Variants in SAXO1 observed in about 807,000 individuals in gnomAD.
SAXO1 encodes the protein stabilizer of axonemal microtubules 1, also known as 4930500O09Rik.
Under a neutral mutation model 17.5 loss-of-function variants are expected in SAXO1, and 21 were observed. The ratio of observed to expected loss-of-function variants is 1.20; its 90% CI spans 0.85 to 1.72. The LOEUF is 1.72. SAXO1 is among the 40% of genes most tolerant of loss of function. SAXO1 has a pLI of 0.00. For missense variants in SAXO1, 843 were observed against 596.0 expected, an observed-to-expected ratio of 1.41 and a Z score of -4.32; for synonymous variants, 274 against 216.5, an observed-to-expected ratio of 1.27 and a Z score of -2.33.
intron 1 of SAXO1, among the ~76,000 whole-genome samples, chr9:18,975,714 A>G (rs949810763): frequency 1.3e-5 from 2 of 152,206 alleles, no homozygotes; most frequent in Non-Finnish European, 2.9e-5. Flanking sequence ...ACAAAGTCAG[A>G]TTTGGTTCAA....
chr9:19,022,666 AACTT>A (rs1200662228), intron 1 of SAXO1, among the ~76,000 whole-genome samples: 1 of 152,188 alleles, frequency 6.6e-6, no homozygotes, highest in East Asian at 1.9e-4. Flanking sequence ...CACTGGGAGA[AACTT>A]AACTGATTTT....
At chr9:19,031,183 C>G (rs1835750289) in intron 1 of SAXO1, among the ~76,000 whole-genome samples, 1 of 152,234 alleles carries the variant, frequency 6.6e-6, no homozygotes, top group Non-Finnish European at 1.5e-5. Context: ...AGACTGCACG[C>G]TGTGCAAAGA....
At chr9:18,932,955 G>A (rs1183898960) in intron 3 of SAXO1, among the ~76,000 whole-genome samples, 10 of 152,166 alleles carry the variant, frequency 6.6e-5, no homozygotes. Flanking sequence ...ACAGGATCAT[G>A]TTGTCTGAGA....
rs920533586 is a variant in SAXO1, at chr9:19,033,034, G to A, written c.-126C>T. ...GTCTTGGCAGGTGTTCTGTTTACTC[G>A]AAGGAAAATTTAAGTGGCCCTTTTG... On this transcript the variant is annotated 5_prime_UTR_variant, in exon 1 of 4. Transcript: ENST00000380534. 8.8e-6 allele frequency: 9 copies of A among 1,021,002 alleles called. No individual in the cohort carries two copies. The South Asian group carries it at 1.2e-4, about 13-fold the overall frequency. 63.2% of individuals were successfully genotyped at this position (1,021,002 alleles called of 1,614,324 possible).
intron 2 of SAXO1, among the ~76,000 whole-genome samples, chr9:18,949,652 T>A (rs1831945846): frequency 6.8e-6 from 1 of 146,228 alleles, no homozygotes. Flanking sequence ...ATGGCAGCAT[T>A]GTGTAGAGAA....
chr9:18,948,088 A>G (rs4977476), intron 2 of SAXO1, among the ~76,000 whole-genome samples: 109,157 of 152,108 alleles, frequency 0.72, 39,228 homozygotes, highest in Middle Eastern at 0.77. Context: ...GACAATCTGC[A>G]CAGACACAAG....
intron 1 of SAXO1, among the ~76,000 whole-genome samples, chr9:18,995,816 T>C (rs1000980367): frequency 2.6e-5 from 4 of 152,164 alleles, no homozygotes; most frequent in African/African-American, 9.7e-5. Flanking sequence ...GTGGTGGCTT[T>C]TGCCTGTAAT....
At chr9:18,979,980 T>C (rs1271949480) in intron 1 of SAXO1, among the ~76,000 whole-genome samples, 1 of 152,192 alleles carries the variant, frequency 6.6e-6, no homozygotes, top group East Asian at 1.9e-4. Context: ...TGACAGACTG[T>C]ACTGGGCAAG....
chr9:18,928,295 A>G lies in SAXO1; in HGVS notation c.1182T>C (p.Ser394=), dbSNP rs777261833. ...CCACAGGGACATTTCCTCGAGGGCC[A>G]GACCAATGAGGCTTACAGCTTTTGG... is the stretch of plus-strand genomic sequence containing the variant. ...INTKSCKPHW[S]GPRGNVPVES... is the part of the protein sequence containing the mutation. The change falls in exon 4 of 4, where the codon TCT becomes TCC. Residue 394 remains serine, a synonymous_variant. Transcript: ENST00000380534. 2.5e-5 allele frequency: 41 copies of G among 1,612,970 alleles called. No homozygotes were observed. Among genetic ancestry groups the G allele is most frequent in the Non-Finnish European group, 3.5e-5 (41 of 1,179,252 alleles).
chr9:18,941,804 T>G lies in SAXO1; in HGVS notation c.254A>C (p.Lys85Thr). Residue 85 changes from lysine to threonine, a missense_variant, in exon 3 of 4, where the codon AAG (lysine) becomes ACG (threonine). Physicochemically the swap from Lys to Thr is moderately conservative, Grantham distance 78. Coordinates refer to ENST00000380534, the MANE Select transcript of SAXO1 (RefSeq NM_153707.4). ...GACGAACTGGTCATACTGGTGGACCTTCACTGGTGCCACTTTGTGAGGCCC... is the reference window on the plus strand; with the variant it reads ...GACGAACTGGTCATACTGGTGGACCGTCACTGGTGCCACTTTGTGAGGCCC... ...DFGPHKVAPV[K>T]VHQYDQFVPS... The G allele has an allele frequency of 6.2e-7, 1 of 1,614,196 alleles. No homozygotes were observed. The highest frequency in any genetic ancestry group is 8.5e-7 in the Non-Finnish European group (1 of 1,180,024).
chr9:18,936,446 G>A (rs1256266442), intron 3 of SAXO1, among the ~76,000 whole-genome samples: 3 of 152,134 alleles, frequency 2.0e-5, no homozygotes, highest in Non-Finnish European at 2.9e-5. Flanking sequence ...ACTTGGGGGT[G>A]GGGAGGACAG....
intron 1 of SAXO1, among the ~76,000 whole-genome samples, chr9:18,999,409 C>T (rs1325635951): frequency 6.6e-6 from 1 of 152,152 alleles, no homozygotes; most frequent in African/African-American, 2.4e-5. Flanking sequence ...CTCCGCCCAG[C>T]CGCCCCACCA....
intron 1 of SAXO1, among the ~76,000 whole-genome samples, chr9:19,017,511 G>C (rs1248074689): frequency 6.6e-6 from 1 of 152,230 alleles, no homozygotes; most frequent in Non-Finnish European, 1.5e-5. Flanking sequence ...TGCTGCACCA[G>C]AGCAGGCCTT....
At chr9:19,020,540 G>C (rs1262716861) in intron 1 of SAXO1, among the ~76,000 whole-genome samples, 1 of 151,958 alleles carries the variant, frequency 6.6e-6, no homozygotes, top group Non-Finnish European at 1.5e-5. Context: ...TGTATTTTTT[G>C]TAGAAACAGG....
Position 19,028,117 on chromosome 9 carries a change from C to G in SAXO1, c.38+4754G>C, listed in dbSNP as rs963071238. On this transcript the variant is annotated intron_variant, in intron 1 of 3. Transcript: ENST00000380534. ...GGTCCAGGCCAAGAAGAAAGCCAAC[C>G]TACAGTACTACGCCTAGGGCACGGC... is the stretch of plus-strand genomic sequence containing the variant. 1.7e-5 allele frequency: 27 copies of G among 1,607,896 alleles called. No individual in the cohort carries two copies. In the African/African-American group the frequency reaches 3.5e-4, roughly 21 times the overall value.
At chr9:19,029,752 C>T (rs2131046654) in intron 1 of SAXO1, among the ~76,000 whole-genome samples, 1 of 152,272 alleles carries the variant, frequency 6.6e-6, no homozygotes, top group South Asian at 2.1e-4. Flanking sequence ...GCTTGTGCAG[C>T]TGAGAAACTG....
intron 1 of SAXO1, among the ~76,000 whole-genome samples, chr9:18,980,188 A>G (rs1833316011): frequency 6.6e-6 from 1 of 152,186 alleles, no homozygotes; most frequent in Admixed American, 6.5e-5. Flanking sequence ...GGGTTATTCT[A>G]GAGTCATTTT....
At chr9:18,974,392 G>T (rs536131435) in intron 1 of SAXO1, among the ~76,000 whole-genome samples, 2 of 152,314 alleles carry the variant, frequency 1.3e-5, no homozygotes, top group Admixed American at 6.5e-5. Context: ...CATTGTGTGT[G>T]TATCTATATA....
At chr9:19,045,314 CT>C in intron 1 of SAXO1, among the ~76,000 whole-genome samples, 1 of 47,572 alleles carries the variant, frequency 2.1e-5, no homozygotes, top group Admixed American at 3.4e-4. Context: ...GAGACTCCGT[CT>C]CAAAAAAAAA....
Sources: allele counts gnomAD v4.1 joint callset (sites outside exome capture counted in the v4.1 genomes callset), GRCh38; gene constraint gnomAD v4.1.1; transcripts MANE v1.5; gene names NCBI Gene and HGNC (gene_info 2026-07-23, HGNC 2026-07-21).